The following TRPC4 variants were observed in gnomAD, a reference collection of about 807,000 sequenced individuals.
The protein encoded by TRPC4 is transient receptor potential cation channel subfamily C member 4.
A neutral mutation model predicts 99.4 loss-of-function variants in TRPC4; 49 were observed. The observed-to-expected ratio is 0.49, with a 90% CI of 0.39 to 0.63. TRPC4 has a LOEUF of 0.63. Among genes scored for constraint, TRPC4 ranks in the 20% least tolerant of loss-of-function variants. TRPC4 has a pLI of 0.00. For missense variants in TRPC4, 898 were observed against 1,152.9 expected (o/e 0.78, Z 3.20); for synonymous variants, 454 against 425.9 (o/e 1.07, Z -0.81).
intron 3 of TRPC4, among the ~76,000 whole-genome samples, chr13:37,720,451 T>G (rs1182530234): frequency 1.3e-5 from 2 of 152,098 alleles, no homozygotes; most frequent in Admixed American, 6.6e-5. Context: ...GAGGTTATTA[T>G]TAGTAGTAGT....
rs74858835 is a variant in TRPC4 at position 37,840,854 on chromosome 13, T to C, written c.-28+28741A>G. ...AAATTTTATTACACTAAAATAACCA[T>C]ATTAATATTGTTCATTGCAGAGCCA... On this transcript the variant is annotated intron_variant, in intron 1 of 10. Transcript: ENST00000379705. Among the ~76,000 whole-genome samples the C allele has an allele frequency of 8.9e-3, 1,354 of 152,136 alleles. 35 individuals carry two copies. In the East Asian group the frequency reaches 0.1, roughly 11 times the overall value.
At chr13:37,755,227 T>G (rs1211294352) in intron 2 of TRPC4, among the ~76,000 whole-genome samples, 1 of 151,658 alleles carries the variant, frequency 6.6e-6, no homozygotes, top group Non-Finnish European at 1.5e-5. Flanking sequence ...ATACACTAGA[T>G]TTTAAGAATA....
chr13:37,672,850 G>T (rs1274024584), intron 5 of TRPC4, among the ~76,000 whole-genome samples: 1 of 152,126 alleles, frequency 6.6e-6, no homozygotes, highest in Admixed American at 6.6e-5. Flanking sequence ...AAATATACTT[G>T]CTTTCCATAA....
chr13:37,675,860 G>A (rs984916443), intron 4 of TRPC4, among the ~76,000 whole-genome samples: 1 of 152,118 alleles, frequency 6.6e-6, no homozygotes, highest in Non-Finnish European at 1.5e-5. Flanking sequence ...ACAAACACCA[G>A]GGAACAATCA....
At chr13:37,644,592 C>T (rs188378090) in intron 8 of TRPC4, among the ~76,000 whole-genome samples, 2 of 151,994 alleles carry the variant, frequency 1.3e-5, no homozygotes, top group African/African-American at 2.4e-5. Flanking sequence ...AACTTGTGGC[C>T]GGGCGCGGTG....
intron 7 of TRPC4, 71 bp from the exon 8 acceptor site, chr13:37,651,530 C>A: frequency 7.2e-7 from 1 of 1,397,420 alleles, no homozygotes. Flanking sequence ...TCACAGAGAT[C>A]CTGTAACCTG....
chr13:37,824,567 G>T (rs1958139696), intron 1 of TRPC4, among the ~76,000 whole-genome samples: 1 of 151,624 alleles, frequency 6.6e-6, no homozygotes, highest in African/African-American at 2.4e-5. Flanking sequence ...TTATATGCTG[G>T]ATTACATTTA....
At chr13:37,651,167 C>T in intron 8 of TRPC4, 98 bp downstream of exon 8, 9 of 1,399,104 alleles carry the variant, frequency 6.4e-6, no homozygotes, top group East Asian at 4.9e-5. Flanking sequence ...TCAGTAAGAA[C>T]AAAAAGGCTA....
intron 2 of TRPC4, among the ~76,000 whole-genome samples, chr13:37,752,147 T>C (rs991639973): frequency 2.2e-5 from 3 of 138,360 alleles, no homozygotes; most frequent in Non-Finnish European, 3.1e-5. Context: ...CTATGAGCCC[T>C]AGAACATAAA....
intron 2 of TRPC4, among the ~76,000 whole-genome samples, chr13:37,782,736 T>C (rs1454515518): frequency 1.3e-5 from 2 of 152,126 alleles, no homozygotes; most frequent in East Asian, 1.9e-4. Context: ...CAATTACTTA[T>C]GATTTTCCAG....
chr13:37,824,195 A>G (rs1221929263), intron 1 of TRPC4, among the ~76,000 whole-genome samples: 77 of 150,546 alleles, frequency 5.1e-4, no homozygotes, highest in African/African-American at 1.9e-3. Context: ...GGTTTTCTAG[A>G]TATAAAATCA....
intron 1 of TRPC4, among the ~76,000 whole-genome samples, chr13:37,865,526 A>G (rs1959683739): frequency 6.6e-6 from 1 of 151,732 alleles, no homozygotes. Flanking sequence ...CCTGCTCAAG[A>G]TAAGTAGCTT....
At position 37,842,372 on chromosome 13, in the gene TRPC4, G is replaced by GAAAAAAAAAA. The variant is rs1566216069; in HGVS notation, c.-28+27222_-28+27223insTTTTTTTTTT. Among the ~76,000 whole-genome samples, 11 of 72,088 alleles carry GAAAAAAAAAA rather than the reference G, an allele frequency of 1.5e-4. 1 individual carries two copies. Among genetic ancestry groups the GAAAAAAAAAA allele is most frequent in the East Asian group, 4.6e-4 (1 of 2,188 alleles). 47.3% of individuals were successfully genotyped at this position (72,088 alleles called of 152,430 possible). ...AAAAAAAAAAAAAAAAAAAAAAAAG[G>GAAAAAAAAAA]AAAAGGAAAAGTATAAATCGGGGGC... On this transcript the variant is annotated intron_variant, in intron 1 of 10. Coordinates refer to ENST00000379705, the MANE Select transcript of TRPC4 (RefSeq NM_016179.4).
intron 1 of TRPC4, among the ~76,000 whole-genome samples, chr13:37,849,518 A>G (rs1331542720): frequency 6.6e-6 from 1 of 152,150 alleles, no homozygotes. Flanking sequence ...TACAAATGGA[A>G]ACCTCCCTTC....
At chr13:37,703,941 T>C (rs1954185503) in intron 3 of TRPC4, among the ~76,000 whole-genome samples, 1 of 152,112 alleles carries the variant, frequency 6.6e-6, no homozygotes, top group Non-Finnish European at 1.5e-5. Context: ...TGTAATAGCC[T>C]CAAACTGGAA....
chr13:37,732,085 T>C (rs1955255452), intron 3 of TRPC4, among the ~76,000 whole-genome samples: 1 of 152,132 alleles, frequency 6.6e-6, no homozygotes, highest in African/African-American at 2.4e-5. Context: ...TCATACCTAA[T>C]GTACCAGTGC....
intron 3 of TRPC4, among the ~76,000 whole-genome samples, chr13:37,741,260 A>G (rs941792581): frequency 9.2e-5 from 14 of 152,208 alleles, no homozygotes; most frequent in African/African-American, 3.4e-4. Context: ...TAGTAATCTT[A>G]CAAATATTAG....
In TRPC4 at chr13:37,740,221, T is replaced by C. The variant is rs188403149; in HGVS notation, c.897+5716A>G. Among the ~76,000 whole-genome samples the C allele has an allele frequency of 1.8e-3, 280 of 152,250 alleles. 2 individuals carry two copies. Among genetic ancestry groups the C allele is most frequent in the Middle Eastern group, 0.01 (3 of 294 alleles). ...TAGTAATTTCAGAATAAAAAATATG[T>C]AGAGAGAGATGTTACTGTCCCTCAA... On this transcript the variant is annotated intron_variant, in intron 3 of 10. Transcript: ENST00000379705.
intron 1 of TRPC4, among the ~76,000 whole-genome samples, chr13:37,822,598 A>G (rs1175400568): frequency 9.9e-5 from 15 of 151,674 alleles, no homozygotes; most frequent in Non-Finnish European, 1.9e-4. Context: ...AAGGACATGA[A>G]CTCATCATTT....
Sources: allele counts gnomAD v4.1 joint callset (sites outside exome capture counted in the v4.1 genomes callset), GRCh38; gene constraint gnomAD v4.1.1; transcripts MANE v1.5; gene names NCBI Gene and HGNC (gene_info 2026-07-23, HGNC 2026-07-21).